Variants in FRMD4A observed in about 807,000 individuals in gnomAD.
The protein encoded by FRMD4A is FERM domain containing 4A.
Under a neutral mutation model 129.1 loss-of-function variants are expected in FRMD4A, and 29 were observed. That is an observed-to-expected ratio of 0.22 (90% CI 0.17 to 0.31). The LOEUF (loss-of-function observed/expected upper bound fraction) is 0.31, where lower values mean the gene tolerates loss of function less well. FRMD4A is among the 10% of genes least tolerant of loss of function. The pLI is 1.00. For synonymous variants in FRMD4A, 634 were observed against 571.6 expected, an observed-to-expected ratio of 1.11 and a Z score of -1.56; for missense variants, 1,272 against 1,375.8, an observed-to-expected ratio of 0.92 and a Z score of 1.19.
chr10:14,092,448 CTG>C lies in FRMD4A; in HGVS notation c.46-233538_46-233537del, dbSNP rs560320213. ...AGTGAGGCAGGGCTGGGAATGGACT[CTG>C]TTGCTGGCCTTGGGAGAACACACAA... is the stretch of plus-strand genomic sequence containing the variant. On this transcript the variant is annotated intron_variant, in intron 2 of 24. Coordinates refer to ENST00000357447, the MANE Select transcript of FRMD4A (RefSeq NM_018027.5). Among the ~76,000 whole-genome samples, 16 of 152,324 alleles carry C rather than the reference CTG, an allele frequency of 1.1e-4. No homozygotes were observed. In the East Asian group the frequency reaches 1.2e-3, roughly 11 times the overall value.
intron 2 of FRMD4A, among the ~76,000 whole-genome samples, chr10:14,027,381 C>T (rs2131656505): frequency 6.6e-6 from 1 of 152,330 alleles, no homozygotes; most frequent in Non-Finnish European, 1.5e-5. Context: ...TGGCTCACGC[C>T]TATAATCCCA....
intron 2 of FRMD4A, among the ~76,000 whole-genome samples, chr10:14,185,584 AAG>A (rs1842085985): frequency 6.6e-6 from 1 of 151,344 alleles, no homozygotes; most frequent in African/African-American, 2.4e-5. Context: ...CTCGTCTTGT[AAG>A]AAAGAGAAAC....
chr10:14,135,987 G>T (rs1397856699), intron 2 of FRMD4A, among the ~76,000 whole-genome samples: 2 of 152,214 alleles, frequency 1.3e-5, no homozygotes, highest in African/African-American at 4.8e-5. Context: ...GACACTGAAT[G>T]TTGCTTGTCA....
At chr10:14,212,974 C>T (rs147321664) in intron 2 of FRMD4A, among the ~76,000 whole-genome samples, 2,226 of 152,306 alleles carry the variant, frequency 0.015, 57 homozygotes, top group African/African-American at 0.05. Flanking sequence ...CAGTGGCTCA[C>T]GCCTGTAATC....
At chr10:13,806,604 A>C (rs1337687576) in intron 4 of FRMD4A, among the ~76,000 whole-genome samples, 1 of 152,144 alleles carries the variant, frequency 6.6e-6, no homozygotes, top group Admixed American at 6.5e-5. Flanking sequence ...AGAGCACAGG[A>C]AATACTGCAA....
chr10:14,038,440 A>G (rs893048958), intron 2 of FRMD4A, among the ~76,000 whole-genome samples: 2 of 152,224 alleles, frequency 1.3e-5, no homozygotes, highest in East Asian at 3.8e-4. Flanking sequence ...AGAGGAGATG[A>G]AAATTAAAAT....
At chr10:14,204,829 C>T (rs117625329) in intron 2 of FRMD4A, among the ~76,000 whole-genome samples, 496 of 152,178 alleles carry the variant, frequency 3.3e-3, no homozygotes, top group Non-Finnish European at 5.9e-3. Context: ...CTTTCATACC[C>T]GAGATAACCC....
intron 2 of FRMD4A, among the ~76,000 whole-genome samples, chr10:14,133,427 A>G (rs77546156): frequency 0.014 from 2,189 of 152,302 alleles, 21 homozygotes; most frequent in Non-Finnish European, 0.024. Context: ...TTTTGAAGGC[A>G]TTTGTGGGTC....
intron 2 of FRMD4A, among the ~76,000 whole-genome samples, chr10:14,281,180 C>G (rs1204388770): frequency 6.6e-6 from 1 of 151,668 alleles, no homozygotes; most frequent in Non-Finnish European, 1.5e-5. Flanking sequence ...TTAGTAGAAG[C>G]AGGGTTTCTC....
chr10:14,193,065 A>G (rs1482455632), intron 2 of FRMD4A, among the ~76,000 whole-genome samples: 1 of 152,224 alleles, frequency 6.6e-6, no homozygotes, highest in African/African-American at 2.4e-5. Flanking sequence ...CTGTTTTCAG[A>G]AATTCTACCC....
rs565046499 is a variant in FRMD4A at position 14,133,065 on chromosome 10, C to T, written c.45+196993G>A. On this transcript the variant is annotated intron_variant, in intron 2 of 24. Coordinates refer to ENST00000357447, the MANE Select transcript of FRMD4A (RefSeq NM_018027.5). ...GAAGTAAGAGTAAGTTAGTTTTTTA[C>T]CAAACTTCAGGAATATTTGATTCAA... Among the ~76,000 whole-genome samples, 5 of 152,158 alleles carry T rather than the reference C, an allele frequency of 3.3e-5. No homozygotes were observed. In the South Asian group the frequency reaches 1.0e-3, roughly 32 times the overall value.
At chr10:13,690,604 G>T (rs2085591042) in intron 15 of FRMD4A, among the ~76,000 whole-genome samples, 1 of 152,182 alleles carries the variant, frequency 6.6e-6, no homozygotes. Flanking sequence ...TTGCAGGGCT[G>T]GTAAGAGTGG....
intron 2 of FRMD4A, among the ~76,000 whole-genome samples, chr10:14,176,873 G>T (rs187375102): frequency 6.4e-4 from 97 of 152,148 alleles, no homozygotes; most frequent in African/African-American, 2.1e-3. Context: ...AATCACTCTT[G>T]TTTACTCAAA....
chr10:13,788,635 A>T (rs1189005156), intron 5 of FRMD4A, among the ~76,000 whole-genome samples: 1 of 152,150 alleles, frequency 6.6e-6, no homozygotes, highest in African/African-American at 2.4e-5. Flanking sequence ...CTAAAGGAAC[A>T]CTCTAGATGG....
intron 2 of FRMD4A, among the ~76,000 whole-genome samples, chr10:13,877,002 G>A (rs1055864334): frequency 1.3e-5 from 2 of 152,140 alleles, no homozygotes; most frequent in Admixed American, 1.3e-4. Context: ...TATGTGACAA[G>A]CAGAATCAAT....
intron 13 of FRMD4A, among the ~76,000 whole-genome samples, chr10:13,702,464 G>A (rs1426081322): frequency 6.6e-6 from 1 of 152,080 alleles, no homozygotes; most frequent in East Asian, 1.9e-4. Flanking sequence ...GAGTTATATG[G>A]TCATGCTCTT....
chr10:14,117,513 A>C (rs1221730006), intron 2 of FRMD4A, among the ~76,000 whole-genome samples: 1 of 152,198 alleles, frequency 6.6e-6, no homozygotes, highest in Non-Finnish European at 1.5e-5. Context: ...ATTCTCACTT[A>C]GAATTTAGCA....
chr10:14,223,781 G>C (rs1843344561), intron 2 of FRMD4A, among the ~76,000 whole-genome samples: 1 of 131,170 alleles, frequency 7.6e-6, no homozygotes, highest in Admixed American at 7.9e-5. Context: ...GAGAGAGAGA[G>C]AAAGAGAGAA....
intron 5 of FRMD4A, among the ~76,000 whole-genome samples, chr10:13,787,605 T>A (rs1481158738): frequency 6.6e-6 from 1 of 152,126 alleles, no homozygotes; most frequent in Non-Finnish European, 1.5e-5. Context: ...GGACTACAGA[T>A]ATAAGCCACC....
Sources: allele counts gnomAD v4.1 joint callset (sites outside exome capture counted in the v4.1 genomes callset), GRCh38; gene constraint gnomAD v4.1.1; transcripts MANE v1.5; gene names NCBI Gene and HGNC (gene_info 2026-07-23, HGNC 2026-07-21).